TACR1: variants seen among roughly 807,000 people sequenced by gnomAD.
TACR1 encodes substance-P receptor.
A neutral mutation model predicts 35.8 loss-of-function variants in TACR1; 25 were observed. The observed-to-expected ratio is 0.70, with a 90% CI of 0.51 to 0.98. TACR1 has a LOEUF of 0.98. Ranked by LOEUF, TACR1 falls within the 50% of genes least tolerant of loss-of-function variation. The pLI, the probability that TACR1 is intolerant of heterozygous loss-of-function variation, is 0.00. For synonymous variants in TACR1, 195 were observed against 206.7 expected (o/e 0.94, Z 0.48); for missense variants, 478 against 522.9 (o/e 0.91, Z 0.84).
intron 2 of TACR1, among the ~76,000 whole-genome samples, chr2:75,054,347 G>A (rs142241954): frequency 1.3e-5 from 2 of 152,338 alleles, no homozygotes; most frequent in East Asian, 3.9e-4. Context: ...GCCTGAATGA[G>A]AGAGATAAGA....
At chr2:75,076,478 A>G (rs1672982944) in intron 2 of TACR1, among the ~76,000 whole-genome samples, 1 of 152,186 alleles carries the variant, frequency 6.6e-6, no homozygotes, top group South Asian at 2.1e-4. Context: ...CTCAGAGTCA[A>G]TTAGGAGGTG....
chr2:75,198,944 A>T lies in TACR1; in HGVS notation c.-10T>A, dbSNP rs1369427014. 11 of 1,611,614 alleles carry T rather than the reference A, an allele frequency of 6.8e-6. No individual in the cohort carries two copies. Among genetic ancestry groups the T allele is most frequent in the Non-Finnish European group, 8.5e-6 (10 of 1,179,432 alleles). ...GGAGGACGTTATCCATTTCGAAGCT[A>T]GGCGGTAAAGCCCTACTATCTGTAC... On this transcript the variant is annotated 5_prime_UTR_variant, in exon 1 of 5. Coordinates refer to ENST00000305249, the MANE Select transcript of TACR1 (RefSeq NM_001058.4).
Position 75,142,225 on chromosome 2 carries a change from C to T in TACR1, c.390-21457G>A, listed in dbSNP as rs564686832. ...ACTAAGTCCATTTAAGGTGTCGGCT[C>T]ACACTTTCTGAGTGTTCCATTTTCT... On this transcript the variant is annotated intron_variant, in intron 1 of 4. Transcript: ENST00000305249. Among the ~76,000 whole-genome samples, 5 of 152,302 alleles carry T rather than the reference C, an allele frequency of 3.3e-5. No individual in the cohort carries two copies. In the South Asian group the frequency reaches 6.2e-4, roughly 19 times the overall value.
chr2:75,062,194 G>A (rs916888062), intron 2 of TACR1, among the ~76,000 whole-genome samples: 82 of 152,024 alleles, frequency 5.4e-4, no homozygotes, highest in African/African-American at 1.8e-3. Flanking sequence ...GAGCCCGAGT[G>A]CCTGAGCTTT....
intron 1 of TACR1, among the ~76,000 whole-genome samples, chr2:75,159,826 G>A (rs911259457): frequency 6.6e-6 from 1 of 152,154 alleles, no homozygotes; most frequent in Non-Finnish European, 1.5e-5. Flanking sequence ...TGACAGAGTC[G>A]TAGTGCATTC....
rs190737649 is a variant in TACR1, at chr2:75,131,174, C to T, written c.390-10406G>A. 9.7e-3 allele frequency among the ~76,000 whole-genome samples: 1,474 copies of T among 152,044 alleles called. 8 individuals carry two copies. Among genetic ancestry groups the T allele is most frequent in the Non-Finnish European group, 0.016 (1,062 of 67,994 alleles). On this transcript the variant is annotated intron_variant, in intron 1 of 4. Coordinates refer to ENST00000305249, the MANE Select transcript of TACR1 (RefSeq NM_001058.4). ...CACTATCTCAGCTCACTGCAAGCTC[C>T]GCCTCCTGGGTTCACGTCATTCTCC...
At chr2:75,089,744 G>A (rs1426658651) in intron 2 of TACR1, among the ~76,000 whole-genome samples, 1 of 152,152 alleles carries the variant, frequency 6.6e-6, no homozygotes, top group Non-Finnish European at 1.5e-5. Context: ...AAGTGAGGCT[G>A]AGAGAGTTTA....
At chr2:75,107,200 A>G (rs1380734108) in intron 2 of TACR1, among the ~76,000 whole-genome samples, 1 of 152,006 alleles carries the variant, frequency 6.6e-6, no homozygotes, top group African/African-American at 2.4e-5. Flanking sequence ...CTATAGTGAA[A>G]ACAAACATAT....
intron 1 of TACR1, among the ~76,000 whole-genome samples, chr2:75,129,693 T>C (rs1401008371): frequency 6.6e-6 from 1 of 152,200 alleles, no homozygotes; most frequent in Non-Finnish European, 1.5e-5. Context: ...GGCTGGATCA[T>C]CCATTCCATT....
intron 1 of TACR1, among the ~76,000 whole-genome samples, chr2:75,166,282 G>A (rs930326575): frequency 2.0e-5 from 3 of 152,056 alleles, no homozygotes; most frequent in Non-Finnish European, 4.4e-5. Flanking sequence ...AGAAACTAGC[G>A]CAAATCTTTT....
chr2:75,058,553 C>T (rs1376988912), intron 2 of TACR1, among the ~76,000 whole-genome samples: 2 of 152,190 alleles, frequency 1.3e-5, no homozygotes, highest in African/African-American at 4.8e-5. Flanking sequence ...GACTGGCTGA[C>T]CCCCACCTGG....
chr2:75,130,497 C>T (rs1674157012), intron 1 of TACR1, among the ~76,000 whole-genome samples: 1 of 152,184 alleles, frequency 6.6e-6, no homozygotes, highest in South Asian at 2.1e-4. Context: ...AGTGATTTTG[C>T]TTTTTCTTGT....
At chr2:75,066,731 C>G (rs55958513) in intron 2 of TACR1, among the ~76,000 whole-genome samples, 2,414 of 152,320 alleles carry the variant, frequency 0.016, 27 homozygotes, top group Non-Finnish European at 0.023. Context: ...GACAATAGAC[C>G]ATTATGCCAT....
intron 1 of TACR1, among the ~76,000 whole-genome samples, chr2:75,193,454 A>T (rs1156669946): frequency 6.6e-6 from 1 of 152,150 alleles, no homozygotes; most frequent in Non-Finnish European, 1.5e-5. Flanking sequence ...CTTGTCGGGC[A>T]TTCCAACTAA....
chr2:75,074,591 A>G (rs1390626727), intron 2 of TACR1, among the ~76,000 whole-genome samples: 1 of 152,176 alleles, frequency 6.6e-6, no homozygotes, highest in African/African-American at 2.4e-5. Context: ...AATACACTAT[A>G]ATAAAAAGTA....
chr2:75,046,622 C>T lies in TACR1; in HGVS notation c.*2810G>A, dbSNP rs1672374361. The T allele has an allele frequency of 6.6e-6, 1 of 152,152 alleles. No individual in the cohort carries two copies. The highest frequency in any genetic ancestry group is 1.5e-5 in the Non-Finnish European group (1 of 68,036). 9.4% of individuals were successfully genotyped at this position (152,152 alleles called of 1,614,324 possible). A position where few individuals can be genotyped will look rare whatever the true frequency, so the allele number is the denominator to read the frequency against. ...TGAGTCCCCTTTCTCCAGGATTCCACTCAGTCCTTGTCTCTTAGTGTCCTG... is the reference window on the plus strand; with the variant it reads ...TGAGTCCCCTTTCTCCAGGATTCCATTCAGTCCTTGTCTCTTAGTGTCCTG... On this transcript the variant is annotated 3_prime_UTR_variant, in exon 5 of 5. Transcript: ENST00000305249.
rs375584717 is a variant in TACR1 at position 75,047,123 on chromosome 2, C to T, written c.*2309G>A. On this transcript the variant is annotated 3_prime_UTR_variant, in exon 5 of 5. Coordinates refer to ENST00000305249, the MANE Select transcript of TACR1 (RefSeq NM_001058.4). ...ATTGGAAACTGCCCGGACCACCCAA[C>T]ATTCCCTCTTACTATGCACAGAGAT... 36 of 152,390 alleles carry T rather than the reference C, an allele frequency of 2.4e-4. No individual in the cohort carries two copies. The East Asian group carries it at 3.1e-3, about 13-fold the overall frequency. 9.4% of individuals were successfully genotyped at this position (152,390 alleles called of 1,614,324 possible).
chr2:75,188,096 C>CTG (rs2104072130), intron 1 of TACR1: 1 of 151,460 alleles, frequency 6.6e-6, no homozygotes, highest in African/African-American at 2.5e-5. Context: ...TGAGCTAACT[C>CTG]GTATTTCAAG....
intron 1 of TACR1, among the ~76,000 whole-genome samples, chr2:75,151,385 G>A (rs1018999455): frequency 2.6e-5 from 4 of 152,180 alleles, no homozygotes; most frequent in African/African-American, 9.6e-5. Flanking sequence ...GGGACTTGGT[G>A]CCCTGTGTCC....
Sources: gnomAD v4.1 joint callset for allele counts (sites outside exome capture counted in the v4.1 genomes callset) on GRCh38, gnomAD v4.1.1 for gene constraint, MANE v1.5 for transcripts, NCBI Gene and HGNC (gene_info 2026-07-23, HGNC 2026-07-21) for gene names.